The following SLC24A2 variants were observed in gnomAD, a reference collection of about 807,000 sequenced individuals.
The protein encoded by SLC24A2 is sodium/potassium/calcium exchanger 2.
SLC24A2 carries 36 observed loss-of-function variants against 62.0 expected under a neutral mutation model. The ratio of observed to expected loss-of-function variants is 0.58; its 90% CI spans 0.44 to 0.77. The LOEUF (loss-of-function observed/expected upper bound fraction) is 0.77, where lower values mean the gene tolerates loss of function less well. Ranked by LOEUF, SLC24A2 falls within the 30% of genes least tolerant of loss-of-function variation. The pLI is 0.00. For synonymous variants in SLC24A2, 358 were observed against 294.0 expected (o/e 1.22, Z -2.23); for missense variants, 846 against 817.9 (o/e 1.03, Z -0.42).
intron 2 of SLC24A2, among the ~76,000 whole-genome samples, chr9:19,702,334 T>G (rs1424398295): frequency 6.6e-6 from 1 of 152,158 alleles, no homozygotes; most frequent in Non-Finnish European, 1.5e-5. Context: ...TCACAAACCT[T>G]CTCCCAGTTG....
chr9:19,670,516 T>G (rs919371889), intron 2 of SLC24A2, among the ~76,000 whole-genome samples: 1 of 152,174 alleles, frequency 6.6e-6, no homozygotes, highest in Non-Finnish European at 1.5e-5. Flanking sequence ...GCCAGGGACT[T>G]TATGCCCTAT....
chr9:20,135,711 C>A, the SLC24A2 span, among the ~76,000 whole-genome samples: 1 of 151,930 alleles, frequency 6.6e-6, no homozygotes, highest in Admixed American at 6.6e-5. Flanking sequence ...ATTATGTGCT[C>A]GAACTAGTTT....
chr9:19,750,293 T>C (rs138617508), intron 2 of SLC24A2, among the ~76,000 whole-genome samples: 1 of 151,972 alleles, frequency 6.6e-6, no homozygotes, highest in African/African-American at 2.4e-5. Context: ...TTAAGCATCC[T>C]CTGCTTGGAT....
chr9:19,763,748 A>T (rs980366759), intron 2 of SLC24A2, among the ~76,000 whole-genome samples: 1 of 152,172 alleles, frequency 6.6e-6, no homozygotes, highest in Non-Finnish European at 1.5e-5. Flanking sequence ...ATTGATGTTC[A>T]TCAGGGATAT....
At chr9:19,651,072 C>G (rs1156404952) in intron 2 of SLC24A2, among the ~76,000 whole-genome samples, 2 of 152,138 alleles carry the variant, frequency 1.3e-5, no homozygotes, top group Non-Finnish European at 2.9e-5. Flanking sequence ...TTTTCAGAAA[C>G]AAGCTCAGAT....
At chr9:20,071,971 C>T in the SLC24A2 span, among the ~76,000 whole-genome samples, 41 of 151,950 alleles carry the variant, frequency 2.7e-4, no homozygotes, top group Admixed American at 1.2e-3. Context: ...TGAAGAGATA[C>T]AGACGGCAAG....
At chr9:20,021,237 T>C in the SLC24A2 span, among the ~76,000 whole-genome samples, 12 of 152,136 alleles carry the variant, frequency 7.9e-5, no homozygotes, top group Non-Finnish European at 1.5e-4. Context: ...TGTGGATACA[T>C]GCATGTTAGC....
At chr9:19,899,992 C>T in the SLC24A2 span, among the ~76,000 whole-genome samples, 4 of 152,136 alleles carry the variant, frequency 2.6e-5, no homozygotes, top group Admixed American at 2.6e-4. Flanking sequence ...CAAACCATAT[C>T]ACATGTTATA....
chr9:19,668,872 T>C (rs896998181), intron 2 of SLC24A2, among the ~76,000 whole-genome samples: 7 of 152,182 alleles, frequency 4.6e-5, no homozygotes, highest in East Asian at 1.9e-4. Context: ...TCTGTGACCA[T>C]AGCCCCTAAT....
chr9:19,687,584 C>A (rs550230748), intron 2 of SLC24A2, among the ~76,000 whole-genome samples: 7 of 152,040 alleles, frequency 4.6e-5, no homozygotes, highest in Non-Finnish European at 7.4e-5. Flanking sequence ...ATGTGTTCCA[C>A]GCCGTGTTTC....
At chr9:19,837,894 A>T in the SLC24A2 span, among the ~76,000 whole-genome samples, 1 of 152,052 alleles carries the variant, frequency 6.6e-6, no homozygotes, top group Non-Finnish European at 1.5e-5. Context: ...GAGAACTACA[A>T]ACCACTGCTC....
At chr9:20,132,706 A>G in the SLC24A2 span, among the ~76,000 whole-genome samples, 2 of 152,154 alleles carry the variant, frequency 1.3e-5, no homozygotes, top group Non-Finnish European at 2.9e-5. Flanking sequence ...CATACACAGA[A>G]AGGATTATTT....
the SLC24A2 span, among the ~76,000 whole-genome samples, chr9:19,918,378 C>T: frequency 2.4e-5 from 3 of 127,542 alleles, no homozygotes; most frequent in East Asian, 6.8e-4. Context: ...AATAATGTGG[C>T]TATTCTGCCT....
At chr9:19,954,245 G>A in the SLC24A2 span, among the ~76,000 whole-genome samples, 1 of 152,032 alleles carries the variant, frequency 6.6e-6, no homozygotes, top group African/African-American at 2.4e-5. Context: ...TCATAGCAGA[G>A]TCCTGGGGAT....
the SLC24A2 span, among the ~76,000 whole-genome samples, chr9:20,147,044 C>T: frequency 6.6e-6 from 1 of 152,102 alleles, no homozygotes; most frequent in Non-Finnish European, 1.5e-5. Flanking sequence ...TGAGCTGGCC[C>T]TAAGACCAGC....
chr9:19,840,296 T>C, the SLC24A2 span, among the ~76,000 whole-genome samples: 1 of 152,182 alleles, frequency 6.6e-6, no homozygotes, highest in African/African-American at 2.4e-5. Context: ...TAACTGCGAC[T>C]CTTTCTAGAA....
chr9:20,062,130 G>A, the SLC24A2 span, among the ~76,000 whole-genome samples: 1 of 152,188 alleles, frequency 6.6e-6, no homozygotes, highest in South Asian at 2.1e-4. Flanking sequence ...TATGGGAGCT[G>A]AAGTGGGAGG....
chr9:19,905,072 T>C, the SLC24A2 span, among the ~76,000 whole-genome samples: 6 of 152,208 alleles, frequency 3.9e-5, no homozygotes, highest in Non-Finnish European at 5.9e-5. Flanking sequence ...AAGATTCTTT[T>C]ACTCTCAATT....
At chr9:19,575,714 G>GT (rs1466247732) in intron 6 of SLC24A2, among the ~76,000 whole-genome samples, 2 of 152,138 alleles carry the variant, frequency 1.3e-5, no homozygotes, top group Admixed American at 6.6e-5. Context: ...CAAGTCTAAG[G>GT]TTGGCCAGTC....
Sources: allele counts gnomAD v4.1 joint callset (sites outside exome capture counted in the v4.1 genomes callset), GRCh38; gene constraint gnomAD v4.1.1; transcripts MANE v1.5; gene names NCBI Gene and HGNC (gene_info 2026-07-23, HGNC 2026-07-21).